Variants in GAREM1 observed in about 807,000 individuals in gnomAD.
The protein encoded by GAREM1 is GRB2 associated regulator of MAPK1 subtype 1, also known as GRB2-associated and regulator of MAPK protein 1.
A neutral mutation model predicts 71.3 loss-of-function variants in GAREM1; 26 were observed. That is an observed-to-expected ratio of 0.36 (90% CI 0.27 to 0.51). The LOEUF (loss-of-function observed/expected upper bound fraction) is 0.51. Among genes scored for constraint, GAREM1 ranks in the 20% least tolerant of loss-of-function variants. The probability of loss-of-function intolerance (pLI) is 0.95; values close to 1 mark genes in which losing one functional copy is unlikely to be tolerated. For synonymous variants in GAREM1, 440 were observed against 433.2 expected, an observed-to-expected ratio of 1.02 and a Z score of -0.20; for missense variants, 1,026 against 1,103.1, an observed-to-expected ratio of 0.93 and a Z score of 0.99.
At chr18:32,271,251 G>A (rs776421842) in intron 4 of GAREM1, among the ~76,000 whole-genome samples, 9 of 151,484 alleles carry the variant, frequency 5.9e-5, no homozygotes, top group Non-Finnish European at 5.9e-5. Context: ...GGAGTGCAGC[G>A]GCACCATCTT....
chr18:32,283,355 G>T (rs957810336), intron 4 of GAREM1, among the ~76,000 whole-genome samples: 9 of 152,128 alleles, frequency 5.9e-5, no homozygotes, highest in African/African-American at 2.2e-4. Flanking sequence ...GACCAGCCTG[G>T]CCAACATGGT....
intron 1 of GAREM1, among the ~76,000 whole-genome samples, chr18:32,411,295 T>C (rs2048413403): frequency 6.6e-6 from 1 of 152,220 alleles, no homozygotes; most frequent in African/African-American, 2.4e-5. Flanking sequence ...AACCCAACAA[T>C]TTTATTTCAA....
chr18:32,394,702 G>A lies in GAREM1; in HGVS notation c.122-1667C>T, dbSNP rs1041912505. Among the ~76,000 whole-genome samples, 3 of 152,290 alleles carry A rather than the reference G, an allele frequency of 2.0e-5. No homozygotes were observed. The South Asian group carries it at 6.2e-4, about 32-fold the overall frequency. ...GTATCCCTCAACCACCTTAGGGCAGGAAGGAAAAATCTAGAACTGCTGCTC... is the reference window on the plus strand; with the variant it reads ...GTATCCCTCAACCACCTTAGGGCAGAAAGGAAAAATCTAGAACTGCTGCTC... On this transcript the variant is annotated intron_variant, in intron 1 of 5. Transcript: ENST00000269209.
intron 2 of GAREM1, among the ~76,000 whole-genome samples, chr18:32,386,349 T>C (rs1054175527): frequency 6.6e-6 from 1 of 152,222 alleles, no homozygotes; most frequent in East Asian, 1.9e-4. Flanking sequence ...CTGCACATCC[T>C]ACACTTTTAA....
At chr18:32,303,704 G>C (rs1487788323) in intron 3 of GAREM1, among the ~76,000 whole-genome samples, 1 of 151,610 alleles carries the variant, frequency 6.6e-6, no homozygotes, top group Admixed American at 6.6e-5. Flanking sequence ...GACTGTTTGA[G>C]GCCAGGAATT....
chr18:32,301,382 T>A (rs2047200113), intron 3 of GAREM1, among the ~76,000 whole-genome samples: 1 of 152,160 alleles, frequency 6.6e-6, no homozygotes, highest in Admixed American at 6.6e-5. Flanking sequence ...ACTGAAAATT[T>A]CAAAATAAGT....
At chr18:32,369,467 T>A (rs998389506) in intron 2 of GAREM1, among the ~76,000 whole-genome samples, 3 of 152,162 alleles carry the variant, frequency 2.0e-5, no homozygotes, top group Non-Finnish European at 2.9e-5. Flanking sequence ...TATCTATATG[T>A]ATGATACATG....
At chr18:32,282,884 T>C (rs1175700675) in intron 4 of GAREM1, among the ~76,000 whole-genome samples, 2 of 152,214 alleles carry the variant, frequency 1.3e-5, no homozygotes, top group Admixed American at 1.3e-4. Context: ...TTGCCTTTTG[T>C]AGAGTACATC....
chr18:32,281,768 A>T (rs141948689), intron 4 of GAREM1, among the ~76,000 whole-genome samples: 367 of 152,220 alleles, frequency 2.4e-3, no homozygotes, highest in African/African-American at 7.9e-3. Flanking sequence ...AGGTCAGGAG[A>T]TCAAGACTGT....
At chr18:32,275,535 T>C (rs2041528673) in intron 4 of GAREM1, among the ~76,000 whole-genome samples, 2 of 152,232 alleles carry the variant, frequency 1.3e-5, no homozygotes, top group South Asian at 4.1e-4. Context: ...ACCAAAGTCC[T>C]GTTGATGACA....
intron 2 of GAREM1, among the ~76,000 whole-genome samples, chr18:32,375,018 T>C (rs1030706087): frequency 1.3e-5 from 2 of 152,136 alleles, no homozygotes; most frequent in Admixed American, 6.6e-5. Context: ...AAGCTAAATA[T>C]GAAGGTTCAG....
chr18:32,465,204 C>T (rs545790956), intron 1 of GAREM1, among the ~76,000 whole-genome samples: 19 of 151,878 alleles, frequency 1.3e-4, no homozygotes, highest in African/African-American at 4.8e-5. Flanking sequence ...AGATGAACAC[C>T]GAACATCTTC....
intron 1 of GAREM1, among the ~76,000 whole-genome samples, chr18:32,469,740 T>G (rs1336995196): frequency 2.0e-5 from 3 of 152,194 alleles, no homozygotes; most frequent in Non-Finnish European, 2.9e-5. Context: ...CCATCACTTC[T>G]GCTGAAAACA....
At chr18:32,376,843 A>G (rs1382625407) in intron 2 of GAREM1, among the ~76,000 whole-genome samples, 1 of 152,224 alleles carries the variant, frequency 6.6e-6, no homozygotes, top group Non-Finnish European at 1.5e-5. Flanking sequence ...TCTCAAAAAT[A>G]AATAAAAAAA....
At chr18:32,447,185 G>A (rs1237554539) in intron 1 of GAREM1, among the ~76,000 whole-genome samples, 4 of 152,144 alleles carry the variant, frequency 2.6e-5, no homozygotes, top group South Asian at 2.1e-4. Context: ...GTGGGTTTCT[G>A]ATAATTCATT....
At chr18:32,384,274 T>A (rs971744696) in intron 2 of GAREM1, among the ~76,000 whole-genome samples, 7 of 152,160 alleles carry the variant, frequency 4.6e-5, no homozygotes, top group Non-Finnish European at 1.0e-4. Context: ...CTTCACTGTG[T>A]TGTTGCCACA....
rs142145359 is a variant in GAREM1, at chr18:32,353,429, T to C, written c.262+39466A>G. Among the ~76,000 whole-genome samples, 113 of 152,310 alleles carry C rather than the reference T, an allele frequency of 7.4e-4. 1 individual carries two copies. The Middle Eastern group carries it at 0.014, about 18-fold the overall frequency. Reference sequence around the variant, plus strand: ...TTTACTTACCTAATAGCTATTTTGTTAATGTACAGCCAGCTTTTAACCTTA... The same window carrying C: ...TTTACTTACCTAATAGCTATTTTGTCAATGTACAGCCAGCTTTTAACCTTA... On this transcript the variant is annotated intron_variant, in intron 2 of 5. Coordinates refer to ENST00000269209, the MANE Select transcript of GAREM1 (RefSeq NM_001242409.2).
chr18:32,428,485 A>G (rs1048130191), intron 1 of GAREM1, among the ~76,000 whole-genome samples: 2 of 152,030 alleles, frequency 1.3e-5, no homozygotes, highest in African/African-American at 4.8e-5. Context: ...CTGGTTGTTT[A>G]AAAGTGTGTA....
chr18:32,301,802 T>C (rs2047204627), intron 3 of GAREM1, among the ~76,000 whole-genome samples: 1 of 152,242 alleles, frequency 6.6e-6, no homozygotes, highest in Admixed American at 6.5e-5. Context: ...GAAGAGTCTT[T>C]CCTTCAAATT....
Sources: allele counts gnomAD v4.1 joint callset (sites outside exome capture counted in the v4.1 genomes callset), GRCh38; gene constraint gnomAD v4.1.1; transcripts MANE v1.5; gene names NCBI Gene and HGNC (gene_info 2026-07-23, HGNC 2026-07-21).